The following AKAP14 variants were observed in gnomAD, a reference collection of about 807,000 sequenced individuals.
AKAP14 encodes A-kinase anchor protein 14.
In AKAP14, 4 loss-of-function variants were observed where a neutral mutation model predicts 17.0. The ratio of observed to expected loss-of-function variants is 0.23; its 90% CI spans 0.12 to 0.54. The LOEUF is 0.54. Among genes scored for constraint, AKAP14 ranks in the 20% least tolerant of loss-of-function variants. The pLI, the probability that AKAP14 is intolerant of heterozygous loss-of-function variation, is 0.95. For synonymous variants in AKAP14, 42 were observed against 51.3 expected, an observed-to-expected ratio of 0.82 and a Z score of 0.77; for missense variants, 129 against 150.9, an observed-to-expected ratio of 0.85 and a Z score of 0.76.
intron 2 of AKAP14, among the ~76,000 whole-genome samples, chrX:119,900,255 G>T (rs759270728): frequency 1.8e-5 from 2 of 112,130 alleles, no homozygotes; most frequent in Admixed American, 9.5e-5. Context: ...ACCACACCTG[G>T]CTAATTTTTG....
intron 2 of AKAP14, among the ~76,000 whole-genome samples, chrX:119,901,561 C>A (rs1191616716): frequency 1.8e-5 from 2 of 109,365 alleles, no homozygotes; most frequent in African/African-American, 6.7e-5. Flanking sequence ...AAAAAATTAG[C>A]CAGGCATGGT....
intron 4 of AKAP14, among the ~76,000 whole-genome samples, chrX:119,910,490 G>A (rs983882359): frequency 2.7e-5 from 3 of 111,433 alleles, no homozygotes; most frequent in Non-Finnish European, 5.6e-5. Context: ...AATTGAATTT[G>A]TTGAATACCT....
intron 5 of AKAP14, among the ~76,000 whole-genome samples, chrX:119,916,444 CT>C (rs1281840647): frequency 2.0e-5 from 2 of 100,779 alleles, no homozygotes; most frequent in Non-Finnish European, 4.1e-5. Context: ...ATCTATCTAT[CT>C]ATCTATCTAT....
At chrX:119,911,398 A>G (rs1265560130) in intron 4 of AKAP14, among the ~76,000 whole-genome samples, 2 of 110,377 alleles carry the variant, frequency 1.8e-5, no homozygotes, top group Non-Finnish European at 3.8e-5. Flanking sequence ...GGAGACTACA[A>G]CGCAGACAGT....
In AKAP14 at chrX:119,911,006, G is replaced by A. The variant is rs959057196; in HGVS notation, c.262-3693G>A. On this transcript the variant is annotated intron_variant, in intron 4 of 6. Coordinates refer to ENST00000371431, the MANE Select transcript of AKAP14 (RefSeq NM_178813.6). ...AGAAATGAACACATTTTTTTTGTGG[G>A]CCCTAGGTATTGAGCTTACTATGCC... Among the ~76,000 whole-genome samples the A allele has an allele frequency of 2.8e-5, 3 of 107,895 alleles. No homozygotes were observed. The South Asian group carries it at 1.3e-3, about 45-fold the overall frequency. The allele number at this position is 107,895 out of a possible 115,157, so 93.7% of individuals were successfully genotyped here.
At chrX:119,903,177 C>G (rs376086258) in intron 2 of AKAP14, 37 bp from the exon 3 acceptor site, 23 of 1,127,902 alleles carry the variant, frequency 2.0e-5, no homozygotes, top group Non-Finnish European at 2.8e-5. Flanking sequence ...CATGTGTGTA[C>G]ACACACAGGC....
chrX:119,908,300 A>AAAAAAAAAAAG (rs567352217), intron 4 of AKAP14, among the ~76,000 whole-genome samples: 1 of 103,498 alleles, frequency 9.7e-6, no homozygotes, highest in Non-Finnish European at 2.0e-5. Flanking sequence ...AAAAAAAAAA[A>AAAAAAAAAAAG]AAGAAGGATG....
chrX:119,896,850 G>A (rs747436376), intron 2 of AKAP14, among the ~76,000 whole-genome samples: 6 of 85,601 alleles, frequency 7.0e-5, no homozygotes, highest in Middle Eastern at 8.3e-3. Flanking sequence ...TCGCTCTGTC[G>A]CCTAGGCTGG....
At chrX:119,909,095 C>G (rs1030610845) in intron 4 of AKAP14, among the ~76,000 whole-genome samples, 1 of 111,322 alleles carries the variant, frequency 9.0e-6, no homozygotes, top group South Asian at 3.8e-4. Context: ...TAGATTATCT[C>G]TAGTGACCTA....
chrX:119,903,463 G>A (rs1334490936), intron 3 of AKAP14, 32 bp from the exon 4 acceptor site: 2 of 1,211,463 alleles, frequency 1.7e-6, no homozygotes, highest in Admixed American at 2.2e-5. Context: ...ACACTACCTG[G>A]CAACTAACGA....
rs184522083 is a variant in AKAP14, at chrX:119,902,368, C to T, written c.-10-846C>T. 1.9e-3 allele frequency among the ~76,000 whole-genome samples: 212 copies of T among 111,109 alleles called. 1 individual carries two copies. Among genetic ancestry groups the T allele is most frequent in the African/African-American group, 6.7e-3 (204 of 30,627 alleles). Reference sequence around the variant, plus strand: ...GGATTACAGGCGTGAGCCACCGCGCCGGGCCTTTATATTTCTTTTTAAAAG... The same window carrying T: ...GGATTACAGGCGTGAGCCACCGCGCTGGGCCTTTATATTTCTTTTTAAAAG... On this transcript the variant is annotated intron_variant, in intron 2 of 6. Coordinates refer to ENST00000371431, the MANE Select transcript of AKAP14 (RefSeq NM_178813.6).
At chrX:119,897,114 A>G (rs1247071079) in intron 2 of AKAP14, among the ~76,000 whole-genome samples, 1 of 105,581 alleles carries the variant, frequency 9.5e-6, no homozygotes, top group East Asian at 3.0e-4. Context: ...CCGGCCCCAA[A>G]TGGACAATTT....
At chrX:119,904,912 C>T (rs1011037653) in intron 4 of AKAP14, among the ~76,000 whole-genome samples, 2 of 109,908 alleles carry the variant, frequency 1.8e-5, no homozygotes, top group Non-Finnish European at 3.8e-5. Flanking sequence ...ATTAGCCGGG[C>T]GTGGTGGTAT....
intron 4 of AKAP14, among the ~76,000 whole-genome samples, chrX:119,904,985 G>C (rs1211434029): frequency 1.8e-5 from 2 of 110,750 alleles, no homozygotes; most frequent in African/African-American, 3.3e-5. Context: ...CCAGGAGGTC[G>C]AGGCTGCAGT....
Position 119,914,747 on chromosome X carries a change from A to T in AKAP14, c.310A>T (p.Arg104Trp). ...CWAHGVEFVE[R>W]KDLIHSFLYI... The stretch of plus-strand genomic sequence containing the variant: ...GGCACATGGCGTAGAGTTTGTAGAG[A>T]GGAAAGACTTAATTCACAGCTTCCT... The change falls in exon 5 of 7, where the codon AGG becomes TGG. Residue 104 changes from arginine (R) to tryptophan (W), a missense_variant. Transcript: ENST00000371431. The T allele has an allele frequency of 8.3e-7, 1 of 1,210,927 alleles. No individual in the cohort carries two copies. The highest frequency in any genetic ancestry group is 1.8e-5 in the South Asian group (1 of 56,939).
At chrX:119,899,036 A>G (rs1323725541) in intron 2 of AKAP14, among the ~76,000 whole-genome samples, 1 of 105,437 alleles carries the variant, frequency 9.5e-6, no homozygotes, top group Non-Finnish European at 1.9e-5. Context: ...GCGTGGTGGC[A>G]GGTGCCTGTA....
intron 2 of AKAP14, among the ~76,000 whole-genome samples, chrX:119,899,166 CA>C (rs56354303): frequency 0.26 from 12,816 of 49,613 alleles, 1,236 homozygotes; most frequent in African/African-American, 0.45. Context: ...GACTCTGTCT[CA>C]AAAAAAAAAA....
chrX:119,898,511 T>A (rs959249972), intron 2 of AKAP14, among the ~76,000 whole-genome samples: 2 of 110,837 alleles, frequency 1.8e-5, no homozygotes, highest in African/African-American at 3.3e-5. Context: ...TTGCCCTTTG[T>A]CCGGGCGTGG....
chrX:119,920,420 A>T (rs2056682561), intron 6 of AKAP14, 88 bp from the exon 7 acceptor site: 1 of 747,039 alleles, frequency 1.3e-6, no homozygotes, highest in Admixed American at 3.1e-5. Flanking sequence ...AGGAATATAA[A>T]AGAGTAAATA....
Sources: allele counts gnomAD v4.1 joint callset (sites outside exome capture counted in the v4.1 genomes callset), GRCh38; gene constraint gnomAD v4.1.1; transcripts MANE v1.5; gene names NCBI Gene and HGNC (gene_info 2026-07-23, HGNC 2026-07-21).